The following P2RY6 variants were observed in gnomAD, a reference collection of about 807,000 sequenced individuals.
The protein encoded by P2RY6 is pyrimidinergic receptor P2Y6, also known as P2Y purinoceptor 6.
P2RY6 carries 19 observed loss-of-function variants against 16.3 expected under a neutral mutation model. The ratio of observed to expected loss-of-function variants is 1.16; its 90% CI spans 0.81 to 1.71. The LOEUF (loss-of-function observed/expected upper bound fraction) is 1.71, where lower values mean the gene tolerates loss of function less well. Among genes scored for constraint, P2RY6 ranks in the 40% most tolerant of loss-of-function variants. The pLI, the probability that P2RY6 is intolerant of heterozygous loss-of-function variation, is 0.00. For missense variants in P2RY6, 389 were observed against 455.5 expected (o/e 0.85, Z 1.33); for synonymous variants, 184 against 201.5 (o/e 0.91, Z 0.74).
chr11:73,278,830 G>GA (rs1279772237), intron 1 of P2RY6, among the ~76,000 whole-genome samples: 1 of 152,096 alleles, frequency 6.6e-6, no homozygotes, highest in Non-Finnish European at 1.5e-5. Context: ...TATGAACATT[G>GA]ATGTATAAAC....
chr11:73,282,850 G>C (rs1384558771), intron 1 of P2RY6, among the ~76,000 whole-genome samples: 1 of 152,152 alleles, frequency 6.6e-6, no homozygotes, highest in Non-Finnish European at 1.5e-5. Flanking sequence ...TAAAATTATG[G>C]GTGATAATAG....
At chr11:73,270,547 A>C (rs1021471373), upstream of P2RY6, among the ~76,000 whole-genome samples, 3 of 152,150 alleles carry the variant, frequency 2.0e-5, no homozygotes, top group African/African-American at 7.2e-5. Flanking sequence ...GACCCAGGCA[A>C]GTCCCGACCC....
chr11:73,266,865 G>A (rs1168870145), intron 1 of P2RY6, among the ~76,000 whole-genome samples: 1 of 152,132 alleles, frequency 6.6e-6, no homozygotes, highest in African/African-American at 2.4e-5. Flanking sequence ...GAGCTTCTCT[G>A]GAAGGTCTGG....
At chr11:73,275,087 T>C (rs1863483139) in intron 1 of P2RY6, among the ~76,000 whole-genome samples, 1 of 152,186 alleles carries the variant, frequency 6.6e-6, no homozygotes, top group African/African-American at 2.4e-5. Context: ...TCTACGGAGA[T>C]GGCGTAGGCT....
chr11:73,276,953 G>T (rs1443930340), intron 1 of P2RY6, among the ~76,000 whole-genome samples: 2 of 152,150 alleles, frequency 1.3e-5, no homozygotes, highest in Non-Finnish European at 2.9e-5. Flanking sequence ...TCAGGTAGGT[G>T]AAAGGGAAAC....
intron 2 of P2RY6, among the ~76,000 whole-genome samples, chr11:73,296,223 G>A (rs1431228709): frequency 1.4e-4 from 17 of 121,486 alleles, no homozygotes; most frequent in East Asian, 5.1e-4. Context: ...AAGGCTGAAG[G>A]AAAAAAAAAA....
intron 1 of P2RY6, among the ~76,000 whole-genome samples, chr11:73,273,453 C>T (rs1470655616): frequency 1.3e-5 from 2 of 152,156 alleles, no homozygotes; most frequent in Non-Finnish European, 2.9e-5. Flanking sequence ...TGAGAATGCC[C>T]AGCTTCCAGT....
intron 1 of P2RY6, among the ~76,000 whole-genome samples, chr11:73,281,874 G>A (rs1032925632): frequency 2.0e-5 from 3 of 152,332 alleles, no homozygotes; most frequent in Admixed American, 6.5e-5. Context: ...AGGAGGGCCT[G>A]CATGGGTCTG....
chr11:73,265,623 G>A (rs1212496991), intron 1 of P2RY6, among the ~76,000 whole-genome samples: 2 of 152,082 alleles, frequency 1.3e-5, no homozygotes, highest in Non-Finnish European at 2.9e-5. Flanking sequence ...CCTGGGGCAG[G>A]GGCAGGAGAG....
At chr11:73,290,362 A>G (rs1028896806) in intron 1 of P2RY6, among the ~76,000 whole-genome samples, 15 of 105,658 alleles carry the variant, frequency 1.4e-4, no homozygotes, top group Admixed American at 8.8e-4. Flanking sequence ...AAAGAAAGAA[A>G]GAAGGAAAGA....
At chr11:73,266,994 C>T (rs971204312) in intron 1 of P2RY6, among the ~76,000 whole-genome samples, 1 of 152,190 alleles carries the variant, frequency 6.6e-6, no homozygotes, top group Non-Finnish European at 1.5e-5. Flanking sequence ...TCACTTCTGG[C>T]CCTGATTTCC....
chr11:73,272,579 G>A, intron 1 of P2RY6, 113 bp downstream of exon 1: 1 of 867,920 alleles, frequency 1.2e-6, no homozygotes, highest in Non-Finnish European at 1.4e-6. Context: ...AGGCAAGAGT[G>A]GCAGTAGGGC....
At chr11:73,289,745 G>A (rs1254111543) in intron 1 of P2RY6, among the ~76,000 whole-genome samples, 1 of 152,226 alleles carries the variant, frequency 6.6e-6, no homozygotes, top group Non-Finnish European at 1.5e-5. Context: ...GGGGAACAAT[G>A]GAGAAGGGGG....
intron 1 of P2RY6, among the ~76,000 whole-genome samples, chr11:73,273,868 G>A (rs573986974): frequency 2.6e-5 from 4 of 152,174 alleles, no homozygotes; most frequent in South Asian, 4.2e-4. Context: ...ATAGAGTCTT[G>A]CTCTGTCACC....
At chr11:73,293,289 G>A (rs1172319362) in intron 1 of P2RY6, among the ~76,000 whole-genome samples, 1 of 152,232 alleles carries the variant, frequency 6.6e-6, no homozygotes, top group African/African-American at 2.4e-5. Context: ...GACAAAAGAG[G>A]AAGGGGCAAG....
upstream of P2RY6, among the ~76,000 whole-genome samples, chr11:73,271,097 A>G (rs952823008): frequency 6.6e-6 from 1 of 152,174 alleles, no homozygotes; most frequent in Non-Finnish European, 1.5e-5. Flanking sequence ...TAGGTGGCCA[A>G]TAAGTACCTG....
chr11:73,296,854 C>T lies in P2RY6; in HGVS notation c.336C>T (p.Gly112=). Residue 112 remains glycine, a synonymous_variant, in exon 3 of 3, where the codon GGC becomes GGT. Coordinates refer to ENST00000540124, the MANE Select transcript of P2RY6 (RefSeq NM_001277204.2). The stretch of plus-strand genomic sequence containing the variant: ...TCCTCTTCTATGCCAACCTGCACGG[C>T]AGCATCCTCTTCCTCACCTGCATCA... The part of the protein sequence containing the change: ...VRFLFYANLH[G]SILFLTCISF... The T allele has an allele frequency of 1.9e-6, 3 of 1,610,782 alleles. No individual in the cohort carries two copies. Among genetic ancestry groups the T allele is most frequent in the Non-Finnish European group, 2.5e-6 (3 of 1,180,030 alleles).
At chr11:73,294,658 C>A (rs1454671584) in intron 1 of P2RY6, among the ~76,000 whole-genome samples, 1 of 152,210 alleles carries the variant, frequency 6.6e-6, no homozygotes, top group African/African-American at 2.4e-5. Flanking sequence ...CCAACATTAT[C>A]ATTTTGCCCA....
upstream of P2RY6, among the ~76,000 whole-genome samples, chr11:73,268,734 C>A (rs1428846800): frequency 6.6e-6 from 1 of 152,218 alleles, no homozygotes; most frequent in Non-Finnish European, 1.5e-5. Context: ...CCCAGAGGGA[C>A]CACATCTCCT....
Sources: allele counts gnomAD v4.1 joint callset (sites outside exome capture counted in the v4.1 genomes callset), GRCh38; gene constraint gnomAD v4.1.1; transcripts MANE v1.5; gene names NCBI Gene and HGNC (gene_info 2026-07-23, HGNC 2026-07-21).